The following SCOC variants were observed in gnomAD, a reference collection of about 807,000 sequenced individuals.
SCOC encodes the protein short coiled coil protein.
Under a neutral mutation model 9.9 loss-of-function variants are expected in SCOC, and 7 were observed. The observed-to-expected ratio is 0.71, with a 90% CI of 0.40 to 1.33. The LOEUF is 1.33. SCOC is among the 40% of genes most tolerant of loss of function. SCOC has a pLI of 0.01. For missense variants in SCOC, 66 were observed against 89.7 expected, an observed-to-expected ratio of 0.74 and a Z score of 1.07; for synonymous variants, 19 against 28.2, an observed-to-expected ratio of 0.67 and a Z score of 1.03.
intron 1 of SCOC, among the ~76,000 whole-genome samples, chr4:140,317,286 T>G (rs759142256): frequency 7.9e-5 from 12 of 152,140 alleles, no homozygotes; most frequent in African/African-American, 2.7e-4. Flanking sequence ...AAGTAAAAAC[T>G]AAAAGGCAGA....
chr4:140,309,513 C>T (rs1732089536), intron 1 of SCOC, among the ~76,000 whole-genome samples: 1 of 152,120 alleles, frequency 6.6e-6, no homozygotes, highest in Non-Finnish European at 1.5e-5. Flanking sequence ...TGTACTCTGG[C>T]CACCTCCCAG....
At chr4:140,372,508 T>C (rs1191231501), upstream of SCOC, among the ~76,000 whole-genome samples, 1 of 152,190 alleles carries the variant, frequency 6.6e-6, no homozygotes, top group Non-Finnish European at 1.5e-5. Flanking sequence ...CTAGTCTCTC[T>C]TTTTTGGCAC....
chr4:140,323,640 T>C (rs532264035), intron 1 of SCOC, among the ~76,000 whole-genome samples: 10 of 152,166 alleles, frequency 6.6e-5, no homozygotes, highest in Admixed American at 1.3e-4. Context: ...TTAGATAAAA[T>C]GAAACAATTA....
chr4:140,271,443 A>G (rs1000708184), intron 1 of SCOC, among the ~76,000 whole-genome samples: 9 of 152,216 alleles, frequency 5.9e-5, no homozygotes, highest in African/African-American at 2.2e-4. Context: ...TATTTTAATG[A>G]GCTAAATGCA....
intron 1 of SCOC, among the ~76,000 whole-genome samples, chr4:140,324,662 A>G (rs1732595090): frequency 6.6e-6 from 1 of 152,126 alleles, no homozygotes; most frequent in African/African-American, 2.4e-5. Flanking sequence ...TGAAAATGAC[A>G]CTGATGAAAG....
At chr4:140,289,230 C>T (rs554577838) in intron 1 of SCOC, among the ~76,000 whole-genome samples, 1 of 152,304 alleles carries the variant, frequency 6.6e-6, no homozygotes, top group South Asian at 2.1e-4. Context: ...AGGGTCACTC[C>T]TGCTTGTACT....
At chr4:140,348,065 G>A (rs1248247679) in intron 2 of SCOC, among the ~76,000 whole-genome samples, 5 of 152,018 alleles carry the variant, frequency 3.3e-5, no homozygotes, top group African/African-American at 9.7e-5. Context: ...TATATATAAT[G>A]TAGTGGAACG....
intron 1 of SCOC, among the ~76,000 whole-genome samples, chr4:140,378,535 A>C (rs531072154): frequency 3.3e-5 from 5 of 152,100 alleles, no homozygotes; most frequent in Non-Finnish European, 4.4e-5. Context: ...TTTAATACAG[A>C]CTGGGCAACT....
intron 2 of SCOC, among the ~76,000 whole-genome samples, chr4:140,355,275 C>T (rs1304699209): frequency 1.4e-5 from 2 of 142,754 alleles, no homozygotes; most frequent in South Asian, 2.2e-4. Context: ...TGTTATAGAA[C>T]AATGATACCC....
At chr4:140,285,129 G>A (rs773002200) in intron 1 of SCOC, 5 of 454,934 alleles carry the variant, frequency 1.1e-5, no homozygotes, top group East Asian at 7.0e-5. Context: ...AACTCATCAC[G>A]TCTCAAAGCT....
chr4:140,295,930 CAA>C (rs1203213131), intron 1 of SCOC, among the ~76,000 whole-genome samples: 12 of 53,030 alleles, frequency 2.3e-4, no homozygotes, highest in Admixed American at 4.4e-4. Context: ...GACTCCGTCT[CAA>C]AAAAAAAAAA....
chr4:140,274,971 T>C (rs1730950078), intron 1 of SCOC, among the ~76,000 whole-genome samples: 1 of 152,248 alleles, frequency 6.6e-6, no homozygotes, highest in Non-Finnish European at 1.5e-5. Flanking sequence ...GTGATGCTGG[T>C]ACATTCGCAT....
At chr4:140,261,844 C>G (rs1382707766) in intron 1 of SCOC, among the ~76,000 whole-genome samples, 1 of 151,998 alleles carries the variant, frequency 6.6e-6, no homozygotes, top group Non-Finnish European at 1.5e-5. Flanking sequence ...AGATGACCAG[C>G]AAGGAGTTAG....
intron 1 of SCOC, among the ~76,000 whole-genome samples, chr4:140,334,274 G>A (rs535212883): frequency 6.6e-6 from 1 of 152,156 alleles, no homozygotes; most frequent in East Asian, 1.9e-4. Flanking sequence ...CTTCATTATT[G>A]CTGATGCTGA....
At chr4:140,315,296 T>C (rs1732283009) in intron 1 of SCOC, among the ~76,000 whole-genome samples, 1 of 152,216 alleles carries the variant, frequency 6.6e-6, no homozygotes, top group South Asian at 2.1e-4. Context: ...TGCCTAACAG[T>C]ATCTAACATT....
chr4:140,280,113 GA>G (rs1731065818), intron 1 of SCOC, among the ~76,000 whole-genome samples: 1 of 152,028 alleles, frequency 6.6e-6, no homozygotes, highest in Non-Finnish European at 1.5e-5. Context: ...ATTGTGTCGT[GA>G]TTTTTTTGTC....
At chr4:140,264,280 G>A (rs1730690108) in intron 1 of SCOC, among the ~76,000 whole-genome samples, 1 of 152,178 alleles carries the variant, frequency 6.6e-6, no homozygotes, top group South Asian at 2.1e-4. Flanking sequence ...TGGAATTATA[G>A]GTGCCTGCCA....
chr4:140,273,807 T>C (rs890970149), intron 1 of SCOC, among the ~76,000 whole-genome samples: 5 of 152,232 alleles, frequency 3.3e-5, no homozygotes, highest in Non-Finnish European at 7.3e-5. Flanking sequence ...GTTACATCAT[T>C]TGAATTATGA....
chr4:140,289,180 A>T (rs983121001), intron 1 of SCOC, among the ~76,000 whole-genome samples: 1 of 152,204 alleles, frequency 6.6e-6, no homozygotes, highest in Non-Finnish European at 1.5e-5. Flanking sequence ...GTGGCAGGAA[A>T]TACCAACTGA....
Sources: gnomAD v4.1 joint callset for allele counts (sites outside exome capture counted in the v4.1 genomes callset) on GRCh38, gnomAD v4.1.1 for gene constraint, MANE v1.5 for transcripts, NCBI Gene and HGNC (gene_info 2026-07-23, HGNC 2026-07-21) for gene names.